The following ERCC2 variants were observed in gnomAD, a reference collection of about 807,000 sequenced individuals.
The protein encoded by ERCC2 is ERCC excision repair 2, TFIIH core complex helicase subunit, also known as general transcription and DNA repair factor IIH helicase subunit XPD.
A neutral mutation model predicts 99.4 loss-of-function variants in ERCC2; 90 were observed. The observed-to-expected ratio is 0.91, with a 90% CI of 0.76 to 1.08. The LOEUF (loss-of-function observed/expected upper bound fraction) is 1.08, where lower values mean the gene tolerates loss of function less well. ERCC2 is among the 50% of genes least tolerant of loss of function. The pLI is 0.00. For synonymous variants in ERCC2, 497 were observed against 432.4 expected, an observed-to-expected ratio of 1.15 and a Z score of -1.85; for missense variants, 993 against 1,038.1, an observed-to-expected ratio of 0.96 and a Z score of 0.60.
chr19:45,358,781 C>T, intron 12 of ERCC2: 1 of 775,538 alleles, frequency 1.3e-6, no homozygotes, highest in East Asian at 2.4e-5. Flanking sequence ...ATAACTGTCA[C>T]TTTCTGGAAT....
intron 11 of ERCC2, 106 bp downstream of exon 11, chr19:45,363,637 A>T: frequency 1.6e-6 from 2 of 1,288,846 alleles, no homozygotes; most frequent in Non-Finnish European, 2.1e-6. Context: ...CAGCTCACTC[A>T]CTCCTGATGC....
In ERCC2 at chr19:45,365,027, C is replaced by T; in HGVS notation, c.477+15G>A. 6.2e-7 allele frequency: 1 copy of T among 1,612,402 alleles called. No individual in the cohort carries two copies. The highest frequency in any genetic ancestry group is 8.5e-7 in the Non-Finnish European group (1 of 1,178,444). ...CCTGTCCTGCCTCCCTCCCTCAGCC[C>T]TGCCCTCCAGTAACCTCATAGAATC... On this transcript the variant is annotated intron_variant, in intron 6 of 22. Coordinates refer to ENST00000391945, the MANE Select transcript of ERCC2 (RefSeq NM_000400.4).
intron 12 of ERCC2, among the ~76,000 whole-genome samples, chr19:45,360,914 T>G (rs1310652914): frequency 2.0e-5 from 3 of 151,904 alleles, no homozygotes; most frequent in African/African-American, 7.2e-5. Context: ...CGGTGGATCA[T>G]GAGGTCAGGA....
chr19:45,364,806 C>A (rs745966018), intron 7 of ERCC2, 32 bp downstream of exon 7: 10 of 1,530,980 alleles, frequency 6.5e-6, no homozygotes, highest in Middle Eastern at 3.4e-4. Context: ...CCCTCACACT[C>A]GCCCCTCTGC....
Position 45,368,348 on chromosome 19 carries a change from T to C in ERCC2, c.360+282A>G, listed in dbSNP as rs1618536. ...GCAGAAAATGCCTCTCCATAAATAC[T>C]GGGCTAGTAAGTTTCAGAGCCAGGA... On this transcript the variant is annotated intron_variant, in intron 5 of 22. Transcript: ENST00000391945. Among the ~76,000 whole-genome samples the C allele has an allele frequency of 0.64, 97,131 of 151,992 alleles. 32,685 individuals are homozygous for C. Among genetic ancestry groups the C allele is most frequent in the African/African-American group, 0.87 (36,087 of 41,494 alleles).
At chr19:45,355,809 C>T in intron 15 of ERCC2, 81 bp from the exon 16 acceptor site, 1 of 731,566 alleles carries the variant, frequency 1.4e-6, no homozygotes. Context: ...TGGTGCTGTT[C>T]TAAGCTTTTT....
rs3916812 is a variant in ERCC2 at position 45,364,418 on chromosome 19, C to T, written c.718+6G>A. 4 of 1,613,910 alleles carry T rather than the reference C, an allele frequency of 2.5e-6. No homozygotes were observed. The highest frequency in any genetic ancestry group is 1.7e-5 in the Admixed American group (1 of 60,012). ...GCATCCCTTTGGCCCCTGGCGCCCC[C>T]CTCACCAATGTTGTGGGCCTCGTCG... On this transcript the variant is annotated splice_donor_region_variant and intron_variant, in intron 8 of 22. Coordinates refer to ENST00000391945, the MANE Select transcript of ERCC2 (RefSeq NM_000400.4).
intron 2 of ERCC2, among the ~76,000 whole-genome samples, chr19:45,369,703 A>G (rs1338115287): frequency 7.2e-5 from 11 of 152,124 alleles, no homozygotes; most frequent in African/African-American, 2.7e-4. Context: ...TTAAGAGACA[A>G]GTGTCACTAT....
intron 9 of ERCC2, 32 bp downstream of exon 9, chr19:45,364,203 C>G (rs1204175551): frequency 6.2e-7 from 1 of 1,611,890 alleles, no homozygotes; most frequent in South Asian, 1.1e-5. Flanking sequence ...AGGGGCAGGG[C>G]GGGCACCACC....
In ERCC2 at chr19:45,349,994, A is replaced by C. The variant is rs1372664049; in HGVS notation, c.*1635T>G. The C allele has an allele frequency of 2.1e-5, 9 of 430,172 alleles. No homozygotes were observed. The Admixed American group carries it at 2.5e-4, about 12-fold the overall frequency. 26.6% of individuals were successfully genotyped at this position (430,172 alleles called of 1,614,324 possible). A position where few individuals can be genotyped will look rare whatever the true frequency, so the allele number is the denominator to read the frequency against. ...CACCGAGGCCATGCCACCAGCCCAA[A>C]GTACAGCAGACAGGCTCAGAAACAG... is the stretch of plus-strand genomic sequence containing the variant. On this transcript the variant is annotated 3_prime_UTR_variant, in exon 23 of 23. Coordinates refer to ENST00000391945, the MANE Select transcript of ERCC2 (RefSeq NM_000400.4).
intron 17 of ERCC2, among the ~76,000 whole-genome samples, chr19:45,354,111 C>T (rs1456141579): frequency 6.6e-6 from 1 of 152,204 alleles, no homozygotes; most frequent in Non-Finnish European, 1.5e-5. Flanking sequence ...GCCAAGTTCA[C>T]TCACCTCACC....
chr19:45,363,592 C>CAGGTCAGACCAGACA lies in ERCC2; in HGVS notation c.1118+136_1118+150dup, dbSNP rs1972302923. 5 of 921,518 alleles carry CAGGTCAGACCAGACA rather than the reference C, an allele frequency of 5.4e-6. No individual in the cohort carries two copies. The South Asian group carries it at 8.8e-5, about 16-fold the overall frequency. The allele number at this position is 921,518 out of a possible 1,614,324, so 57.1% of individuals were successfully genotyped here. ...GCTCCAACCTTGCTCCCGGACCTCC[C>CAGGTCAGACCAGACA]AGGTCAGACCAGACAAGGTCCCACG... On this transcript the variant is annotated intron_variant, in intron 11 of 22. Coordinates refer to ENST00000391945, the MANE Select transcript of ERCC2 (RefSeq NM_000400.4).
In ERCC2 at chr19:45,364,136, T is replaced by TGGGGCTGGGAG. The variant is rs752660058; in HGVS notation, c.816-28_816-18dup. On this transcript the variant is annotated splice_polypyrimidine_tract_variant and intron_variant, in intron 9 of 22. Coordinates refer to ENST00000391945, the MANE Select transcript of ERCC2 (RefSeq NM_000400.4). ...TCTTTGATCCTGCGGAGAGATGAGC[T>TGGGGCTGGGAG]GGGGCTGGGAGGGGGCTGGCAACCC... The TGGGGCTGGGAG allele has an allele frequency of 1.9e-6, 3 of 1,611,622 alleles. No homozygotes were observed. Among genetic ancestry groups the TGGGGCTGGGAG allele is most frequent in the Non-Finnish European group, 2.5e-6 (3 of 1,179,180 alleles).
chr19:45,364,140 G>A, intron 9 of ERCC2, 21 bp from the exon 10 acceptor site: 1 of 1,611,810 alleles, frequency 6.2e-7, no homozygotes, highest in Non-Finnish European at 8.5e-7. Context: ...ATGAGCTGGG[G>A]CTGGGAGGGG....
At position 45,368,924 on chromosome 19, in the gene ERCC2, G is replaced by C. The variant is rs1342691521; in HGVS notation, c.246+6C>G. 6.2e-7 allele frequency: 1 copy of C among 1,613,958 alleles called. No individual in the cohort carries two copies. Among genetic ancestry groups the C allele is most frequent in the Admixed American group, 1.7e-5 (1 of 59,990 alleles). On this transcript the variant is annotated splice_donor_region_variant and intron_variant, in intron 4 of 22. Coordinates refer to ENST00000391945, the MANE Select transcript of ERCC2 (RefSeq NM_000400.4). Reference sequence around the variant, plus strand: ...GGCTGGAGCACCAGGATGAGTCCCAGCTTACCTTCTCAATCTCTGGCACAG... The same window carrying C: ...GGCTGGAGCACCAGGATGAGTCCCACCTTACCTTCTCAATCTCTGGCACAG...
Position 45,364,462 on chromosome 19 carries a change from C to A in ERCC2, c.680G>T (p.Arg227Leu). Reference protein sequence around the residue: ...IADLVSKELARKAVVVFDEAH... With the variant: ...IADLVSKELALKAVVVFDEAH... ...CTCGTCGAAGACCACGACGGCCTTG[C>A]GGGCCAGTTCCTTGGACACCAGGTC... The change falls in exon 8 of 23, where the codon CGC (arginine) becomes CTC (leucine). Residue 227 changes from arginine to leucine, a missense_variant. Arg to Leu is a moderately radical substitution (Grantham distance 102). Transcript: ENST00000391945. 2.5e-6 allele frequency: 4 copies of A among 1,613,990 alleles called. No homozygotes were observed. Among genetic ancestry groups the A allele is most frequent in the Non-Finnish European group, 3.4e-6 (4 of 1,179,994 alleles).
chr19:45,363,082 A>G lies in ERCC2; in HGVS notation c.1118+661T>C, dbSNP rs560013058. On this transcript the variant is annotated intron_variant, in intron 11 of 22. Coordinates refer to ENST00000391945, the MANE Select transcript of ERCC2 (RefSeq NM_000400.4). ...GAAGTAAAGACCCGACTCCTTGGCCATTTTACAAAGGAGGAAACTGCAGTT... is the reference window on the plus strand; with the variant it reads ...GAAGTAAAGACCCGACTCCTTGGCCGTTTTACAAAGGAGGAAACTGCAGTT... Among the ~76,000 whole-genome samples, 32 of 152,256 alleles carry G rather than the reference A, an allele frequency of 2.1e-4. No individual in the cohort carries two copies. The Middle Eastern group carries it at 0.031, about 146-fold the overall frequency.
intron 2 of ERCC2, among the ~76,000 whole-genome samples, chr19:45,369,637 C>A (rs1972538959): frequency 6.6e-6 from 1 of 152,102 alleles, no homozygotes; most frequent in African/African-American, 2.4e-5. Context: ...TGAGAAATTG[C>A]AGGTTAAATA....
intron 5 of ERCC2, among the ~76,000 whole-genome samples, chr19:45,365,572 T>C (rs548836227): frequency 2.0e-5 from 3 of 150,190 alleles, no homozygotes; most frequent in South Asian, 2.1e-4. Context: ...GATCGTGCCA[T>C]AGCACTCCAG....
Sources: allele counts gnomAD v4.1 joint callset (sites outside exome capture counted in the v4.1 genomes callset), GRCh38; gene constraint gnomAD v4.1.1; transcripts MANE v1.5; gene names NCBI Gene and HGNC (gene_info 2026-07-23, HGNC 2026-07-21).